SLAMF6: variants seen among roughly 807,000 people sequenced by gnomAD.
SLAMF6 encodes NK-T-B-antigen.
Under a neutral mutation model 38.3 loss-of-function variants are expected in SLAMF6, and 21 were observed. The ratio of observed to expected loss-of-function variants is 0.55; its 90% CI spans 0.39 to 0.79. The LOEUF (loss-of-function observed/expected upper bound fraction) is 0.79, where lower values mean the gene tolerates loss of function less well. SLAMF6 is among the 30% of genes least tolerant of loss of function. SLAMF6 has a pLI of 0.00. For synonymous variants in SLAMF6, 152 were observed against 146.3 expected (o/e 1.04, Z -0.28); for missense variants, 341 against 385.3 (o/e 0.89, Z 0.96).
Position 160,496,275 on chromosome 1 carries a change from A to C in SLAMF6, c.168T>G (p.Leu56=). The C allele has an allele frequency of 1.2e-6, 2 of 1,613,998 alleles. No homozygotes were observed. The highest frequency in any genetic ancestry group is 1.7e-6 in the Non-Finnish European group (2 of 1,179,918). ...AGEKVNFITW[L]FNETSLAFIV... Reference sequence around the variant, plus strand: ...TGAAGGCAAGAGATGTTTCATTGAAAAGCCAAGTGATGAAGTTGACCTTCT... The same window carrying C: ...TGAAGGCAAGAGATGTTTCATTGAACAGCCAAGTGATGAAGTTGACCTTCT... Residue 56 remains leucine (L), a synonymous_variant, in exon 2 of 8, where the codon CTT becomes CTG. Transcript: ENST00000368057.
intron 1 of SLAMF6, among the ~76,000 whole-genome samples, chr1:160,514,835 C>G (rs1326527194): frequency 1.3e-5 from 2 of 152,178 alleles, no homozygotes; most frequent in African/African-American, 4.8e-5. Context: ...GTATCAGAAT[C>G]TCTGGATGCA....
At chr1:160,518,236 TATTTAGAAGTC>T (rs542801704) in intron 1 of SLAMF6, among the ~76,000 whole-genome samples, 66 of 152,188 alleles carry the variant, frequency 4.3e-4, no homozygotes, top group African/African-American at 1.5e-3. Flanking sequence ...GAATGGCAAT[TATTTAGAAGTC>T]AAGAAAAAAC....
intron 1 of SLAMF6, among the ~76,000 whole-genome samples, chr1:160,518,232 C>T (rs775074267): frequency 2.6e-4 from 39 of 151,890 alleles, no homozygotes; most frequent in Non-Finnish European, 4.9e-4. Context: ...GTCAGAATGG[C>T]AATTATTTAG....
intron 1 of SLAMF6, among the ~76,000 whole-genome samples, chr1:160,506,116 C>T (rs1483580827): frequency 1.3e-5 from 2 of 151,806 alleles, no homozygotes; most frequent in East Asian, 3.9e-4. Context: ...AAATAATGGC[C>T]CCAAACTTCC....
chr1:160,512,649 G>A (rs923407042), intron 1 of SLAMF6, among the ~76,000 whole-genome samples: 1 of 152,160 alleles, frequency 6.6e-6, no homozygotes, highest in African/African-American at 2.4e-5. Context: ...GCTCCCAGAG[G>A]AAGAAGCAGG....
At chr1:160,487,973 G>A (rs952894409) in intron 6 of SLAMF6, among the ~76,000 whole-genome samples, 4 of 151,590 alleles carry the variant, frequency 2.6e-5, no homozygotes, top group Non-Finnish European at 4.4e-5. Flanking sequence ...GCCTGTAGTC[G>A]CAGCTACTTG....
chr1:160,518,016 A>T lies in SLAMF6; in HGVS notation c.49+5128T>A, dbSNP rs1007388111. Among the ~76,000 whole-genome samples the T allele has an allele frequency of 1.2e-4, 18 of 152,206 alleles. 1 individual carries two copies. Among genetic ancestry groups the T allele is most frequent in the Admixed American group, 2.6e-4 (4 of 15,272 alleles). On this transcript the variant is annotated intron_variant, in intron 1 of 7. Coordinates refer to ENST00000368057, the MANE Select transcript of SLAMF6 (RefSeq NM_001184714.2). Reference sequence around the variant, plus strand: ...ACATGTACCCAGAACTAAAAATAAAAATTAAAAGAAAGAAATGTATTAATT... The same window carrying T: ...ACATGTACCCAGAACTAAAAATAAATATTAAAAGAAAGAAATGTATTAATT...
intron 1 of SLAMF6, 141 bp from the exon 2 acceptor site, chr1:160,496,534 G>A (rs1439471463): frequency 1.3e-6 from 1 of 799,882 alleles, no homozygotes; most frequent in Non-Finnish European, 2.0e-6. Context: ...GGAAAGGGTA[G>A]GAGATGTTTC....
intron 1 of SLAMF6, among the ~76,000 whole-genome samples, chr1:160,503,309 A>C (rs907749265): frequency 6.6e-6 from 1 of 152,116 alleles, no homozygotes; most frequent in Non-Finnish European, 1.5e-5. Flanking sequence ...TGAGTGTGGA[A>C]GCAGTGAGGA....
chr1:160,500,892 GC>G (rs1228664283), intron 1 of SLAMF6, among the ~76,000 whole-genome samples: 2 of 152,018 alleles, frequency 1.3e-5, no homozygotes, highest in African/African-American at 2.4e-5. Context: ...TTCTTCCCTT[GC>G]CTGGAACGCT....
chr1:160,487,549 T>G (rs1021345107), intron 6 of SLAMF6, among the ~76,000 whole-genome samples: 7 of 152,236 alleles, frequency 4.6e-5, no homozygotes, highest in African/African-American at 7.2e-5. Context: ...TCTCAAATTT[T>G]TACTAGCTAT....
At chr1:160,505,578 T>C (rs1242361217) in intron 1 of SLAMF6, among the ~76,000 whole-genome samples, 3 of 152,134 alleles carry the variant, frequency 2.0e-5, no homozygotes, top group Non-Finnish European at 4.4e-5. Context: ...ATTTTTAAAA[T>C]ATTTTGTAGA....
At chr1:160,519,516 C>T (rs769521503) in intron 1 of SLAMF6, among the ~76,000 whole-genome samples, 23 of 152,038 alleles carry the variant, frequency 1.5e-4, no homozygotes, top group Non-Finnish European at 2.8e-4. Context: ...CAGCACTATT[C>T]GCAAGAGCCA....
At chr1:160,487,533 G>A (rs540275948) in intron 6 of SLAMF6, among the ~76,000 whole-genome samples, 11 of 152,248 alleles carry the variant, frequency 7.2e-5, no homozygotes, top group African/African-American at 2.6e-4. Flanking sequence ...TTTATTATAT[G>A]TTTTGTCTCA....
intron 1 of SLAMF6, among the ~76,000 whole-genome samples, chr1:160,518,160 C>T (rs1244296910): frequency 6.6e-6 from 1 of 150,790 alleles, no homozygotes; most frequent in Non-Finnish European, 1.5e-5. Context: ...GAAAAAAGCT[C>T]AACATCACTG....
At chr1:160,506,323 C>T (rs1438382907) in intron 1 of SLAMF6, among the ~76,000 whole-genome samples, 1 of 152,036 alleles carries the variant, frequency 6.6e-6, no homozygotes, top group African/African-American at 2.4e-5. Context: ...CAGCCAATTT[C>T]TCAGAAGAAT....
At chr1:160,500,220 T>G (rs1653810768) in intron 1 of SLAMF6, among the ~76,000 whole-genome samples, 1 of 152,248 alleles carries the variant, frequency 6.6e-6, no homozygotes, top group South Asian at 2.1e-4. Flanking sequence ...TTTCTCTTTG[T>G]ATTTCAGTTT....
At chr1:160,492,870 C>T (rs1653377281) in intron 2 of SLAMF6, among the ~76,000 whole-genome samples, 1 of 152,106 alleles carries the variant, frequency 6.6e-6, no homozygotes, top group South Asian at 2.1e-4. Context: ...AACATATGTC[C>T]AAAATGTAAC....
chr1:160,519,328 G>A (rs1410926895), intron 1 of SLAMF6, among the ~76,000 whole-genome samples: 1 of 152,210 alleles, frequency 6.6e-6, no homozygotes, highest in Non-Finnish European at 1.5e-5. Context: ...TGTTGATGAG[G>A]ATGTGGAGAA....
Sources: allele counts gnomAD v4.1 joint callset (sites outside exome capture counted in the v4.1 genomes callset), GRCh38; gene constraint gnomAD v4.1.1; transcripts MANE v1.5; gene names NCBI Gene and HGNC (gene_info 2026-07-23, HGNC 2026-07-21).